RASAL2: variants seen among roughly 807,000 people sequenced by gnomAD.
RASAL2 encodes RAS protein activator like 2, also known as ras GTPase-activating protein nGAP.
Under a neutral mutation model 128.9 loss-of-function variants are expected in RASAL2, and 58 were observed. The observed-to-expected ratio is 0.45, with a 90% CI of 0.36 to 0.56. RASAL2 has a LOEUF of 0.56. Among genes scored for constraint, RASAL2 ranks in the 20% least tolerant of loss-of-function variants. RASAL2 has a pLI of 0.00. For synonymous variants in RASAL2, 561 were observed against 580.8 expected (o/e 0.97, Z 0.49); for missense variants, 1,360 against 1,601.6 (o/e 0.85, Z 2.57).
chr1:178,332,435 G>A (rs1445555684), intron 3 of RASAL2, among the ~76,000 whole-genome samples: 2 of 151,834 alleles, frequency 1.3e-5, no homozygotes, highest in African/African-American at 4.8e-5. Flanking sequence ...AACCCGGGAG[G>A]CAGAAGTTGC....
At chr1:178,179,967 GTTATAAA>G (rs1329510122) in intron 1 of RASAL2, among the ~76,000 whole-genome samples, 1 of 152,112 alleles carries the variant, frequency 6.6e-6, no homozygotes, top group African/African-American at 2.4e-5. Flanking sequence ...ATTTCTTGTT[GTTATAAA>G]TAACAAGGGG....
chr1:178,340,145 C>A (rs905457556), intron 3 of RASAL2, among the ~76,000 whole-genome samples: 3 of 151,700 alleles, frequency 2.0e-5, no homozygotes, highest in Admixed American at 6.6e-5. Flanking sequence ...TAATACATAT[C>A]TAATGTGTAA....
chr1:178,471,899 A>T (rs1314342631), intron 17 of RASAL2, among the ~76,000 whole-genome samples: 3 of 152,184 alleles, frequency 2.0e-5, no homozygotes, highest in Non-Finnish European at 4.4e-5. Context: ...TTCCTCTCTG[A>T]ACTTTACCAT....
intron 1 of RASAL2, among the ~76,000 whole-genome samples, chr1:178,158,869 T>C (rs1661177205): frequency 6.6e-6 from 1 of 152,086 alleles, no homozygotes; most frequent in Non-Finnish European, 1.5e-5. Context: ...TATCAATCAC[T>C]CTGATATTTC....
At chr1:178,150,948 G>GC (rs1660893196) in intron 1 of RASAL2, among the ~76,000 whole-genome samples, 1 of 151,950 alleles carries the variant, frequency 6.6e-6, no homozygotes, top group Non-Finnish European at 1.5e-5. Flanking sequence ...TGGTGATATG[G>GC]TTGTTTAAAT....
intron 1 of RASAL2, among the ~76,000 whole-genome samples, chr1:178,267,831 C>G (rs911299092): frequency 6.6e-6 from 1 of 151,906 alleles, no homozygotes; most frequent in Non-Finnish European, 1.5e-5. Flanking sequence ...CCTCATGGAG[C>G]CCTCCTCTTC....
At chr1:178,343,795 G>GAA (rs756128049) in intron 3 of RASAL2, among the ~76,000 whole-genome samples, 1 of 146,370 alleles carries the variant, frequency 6.8e-6, no homozygotes, top group Non-Finnish European at 1.5e-5. Flanking sequence ...TTCCGTGTTA[G>GAA]AAAAAAAAAA....
chr1:178,392,476 G>C (rs1306169653), intron 4 of RASAL2, among the ~76,000 whole-genome samples: 1 of 152,170 alleles, frequency 6.6e-6, no homozygotes, highest in Non-Finnish European at 1.5e-5. Context: ...GGGCAAGACT[G>C]TGATTGAGTT....
rs543463791 is a variant in RASAL2 at position 178,464,637 on chromosome 1, G to A, written c.3387+225G>A. On this transcript the variant is annotated intron_variant, in intron 15 of 17. Coordinates refer to ENST00000367649, the MANE Select transcript of RASAL2 (RefSeq NM_170692.4). ...AAAATGTTCATCTTGCTAGGGGGTG[G>A]CAGTTAGCTACTATTTTTTTTAATG... Among the ~76,000 whole-genome samples the A allele has an allele frequency of 1.5e-4, 22 of 150,132 alleles. No homozygotes were observed. In the South Asian group the frequency reaches 4.0e-3, roughly 27 times the overall value.
At chr1:178,461,082 T>C (rs1224965798) in intron 14 of RASAL2, among the ~76,000 whole-genome samples, 1 of 152,068 alleles carries the variant, frequency 6.6e-6, no homozygotes, top group East Asian at 1.9e-4. Context: ...CCAAAGTGCT[T>C]TGATTACAGG....
intron 1 of RASAL2, among the ~76,000 whole-genome samples, chr1:178,256,923 C>T (rs1336217553): frequency 6.6e-6 from 1 of 152,136 alleles, no homozygotes; most frequent in African/African-American, 2.4e-5. Context: ...ATCCACCTGC[C>T]TCAGCCTCCC....
chr1:178,115,590 T>C (rs894981672), intron 1 of RASAL2, among the ~76,000 whole-genome samples: 3 of 152,196 alleles, frequency 2.0e-5, no homozygotes, highest in African/African-American at 7.2e-5. Flanking sequence ...GAACTCTGAA[T>C]AAAGGCTGGA....
intron 1 of RASAL2, among the ~76,000 whole-genome samples, chr1:178,186,498 T>C (rs1374758281): frequency 6.6e-6 from 1 of 152,166 alleles, no homozygotes; most frequent in Non-Finnish European, 1.5e-5. Context: ...AAGGGTATGG[T>C]ATGTTTTACT....
intron 1 of RASAL2, among the ~76,000 whole-genome samples, chr1:178,101,875 A>G (rs988326381): frequency 6.6e-6 from 1 of 152,204 alleles, no homozygotes; most frequent in African/African-American, 2.4e-5. Context: ...GAAATACCAG[A>G]TTGTTAGTTT....
At chr1:178,371,444 A>G (rs578040880) in intron 3 of RASAL2, among the ~76,000 whole-genome samples, 1 of 151,784 alleles carries the variant, frequency 6.6e-6, no homozygotes, top group Non-Finnish European at 1.5e-5. Context: ...CCAAGTTCCG[A>G]CCACCAGCTC....
intron 3 of RASAL2, among the ~76,000 whole-genome samples, chr1:178,371,455 G>T (rs779388039): frequency 9.2e-5 from 14 of 151,738 alleles, no homozygotes; most frequent in Non-Finnish European, 1.9e-4. Flanking sequence ...CCACCAGCTC[G>T]AATTCTTATG....
intron 4 of RASAL2, among the ~76,000 whole-genome samples, chr1:178,397,964 CAGTAAAACTTTTTAAAA>C (rs1673356039): frequency 6.6e-6 from 1 of 151,788 alleles, no homozygotes; most frequent in Non-Finnish European, 1.5e-5. Flanking sequence ...AATTGTATCT[CAGTAAAACTTTTTAAAA>C]AGTAAAACAC....
intron 1 of RASAL2, among the ~76,000 whole-genome samples, chr1:178,115,073 C>T (rs1659477009): frequency 1.3e-5 from 2 of 151,874 alleles, no homozygotes; most frequent in Admixed American, 1.3e-4. Flanking sequence ...CTATTTCTTC[C>T]TTATATATTT....
At chr1:178,229,459 G>A (rs938627307) in intron 1 of RASAL2, among the ~76,000 whole-genome samples, 6 of 152,002 alleles carry the variant, frequency 3.9e-5, no homozygotes, top group Admixed American at 6.6e-5. Context: ...AAGCAAGGAG[G>A]ATGGTTATTT....
Sources: allele counts gnomAD v4.1 joint callset (sites outside exome capture counted in the v4.1 genomes callset), GRCh38; gene constraint gnomAD v4.1.1; transcripts MANE v1.5; gene names NCBI Gene and HGNC (gene_info 2026-07-23, HGNC 2026-07-21).